Variants in CNTNAP5 observed in about 807,000 individuals in gnomAD.
CNTNAP5 encodes contactin associated protein family member 5, also known as contactin-associated protein-like 5.
In CNTNAP5, 72 loss-of-function variants were observed where a neutral mutation model predicts 150.2. The observed-to-expected ratio is 0.48, with a 90% CI of 0.40 to 0.58. The LOEUF (loss-of-function observed/expected upper bound fraction) is 0.58. CNTNAP5 is among the 20% of genes least tolerant of loss of function. The pLI is 0.00. For missense variants in CNTNAP5, 1,636 were observed against 1,626.2 expected (o/e 1.01, Z -0.10); for synonymous variants, 672 against 619.8 (o/e 1.08, Z -1.25).
intron 21 of CNTNAP5, among the ~76,000 whole-genome samples, chr2:124,874,998 T>C (rs564939866): frequency 8.5e-5 from 13 of 152,204 alleles, no homozygotes; most frequent in African/African-American, 2.9e-4. Context: ...CTTCTCAAGA[T>C]GCATAAAATT....
intron 3 of CNTNAP5, among the ~76,000 whole-genome samples, chr2:124,306,709 C>T (rs545451097): frequency 2.7e-4 from 39 of 146,082 alleles, no homozygotes; most frequent in African/African-American, 9.2e-4. Flanking sequence ...TGGTTTCTCT[C>T]TCTCTCTTTC....
intron 1 of CNTNAP5, among the ~76,000 whole-genome samples, chr2:124,209,607 C>T (rs907647518): frequency 6.6e-6 from 1 of 152,120 alleles, no homozygotes; most frequent in Non-Finnish European, 1.5e-5. Context: ...TAAGACTGTC[C>T]TCCCCTTATC....
chr2:124,095,038 A>T (rs1397790953), intron 1 of CNTNAP5, among the ~76,000 whole-genome samples: 1 of 152,188 alleles, frequency 6.6e-6, no homozygotes, highest in Non-Finnish European at 1.5e-5. Flanking sequence ...GGTAAGACAC[A>T]TGCACACTTA....
intron 3 of CNTNAP5, among the ~76,000 whole-genome samples, chr2:124,323,859 T>G (rs1157345193): frequency 6.6e-6 from 1 of 151,966 alleles, no homozygotes; most frequent in Non-Finnish European, 1.5e-5. Flanking sequence ...GGCCTTTGTG[T>G]GTGTGTATGT....
At chr2:124,298,629 A>C (rs138046688) in intron 3 of CNTNAP5, among the ~76,000 whole-genome samples, 1 of 152,122 alleles carries the variant, frequency 6.6e-6, no homozygotes, top group Non-Finnish European at 1.5e-5. Flanking sequence ...CTGCTAAATC[A>C]TGAAGGTTTG....
At chr2:124,530,288 C>T (rs138293474) in intron 10 of CNTNAP5, among the ~76,000 whole-genome samples, 2,487 of 152,168 alleles carry the variant, frequency 0.016, 49 homozygotes, top group African/African-American at 0.054. Context: ...CCAGCCTGGG[C>T]GACAGAGCAA....
At chr2:124,461,741 C>G (rs1007719801) in intron 6 of CNTNAP5, among the ~76,000 whole-genome samples, 11 of 151,100 alleles carry the variant, frequency 7.3e-5, no homozygotes, top group Non-Finnish European at 1.2e-4. Context: ...CCTGTAATCC[C>G]AACTACTCGG....
chr2:124,376,328 G>GAGCA (rs1479087544), intron 3 of CNTNAP5, among the ~76,000 whole-genome samples: 1 of 152,042 alleles, frequency 6.6e-6, no homozygotes, highest in Non-Finnish European at 1.5e-5. Context: ...GCAGAAGCAG[G>GAGCA]AGCAAGCATA....
intron 11 of CNTNAP5, among the ~76,000 whole-genome samples, chr2:124,566,409 A>T (rs186753881): frequency 1.5e-3 from 236 of 152,290 alleles, no homozygotes; most frequent in African/African-American, 5.4e-3. Context: ...TCAGGCTAAA[A>T]ATAGAAGATG....
intron 10 of CNTNAP5, among the ~76,000 whole-genome samples, chr2:124,537,037 T>TGTGTGAGAGAGAGA (rs763560577): frequency 1.3e-5 from 2 of 150,544 alleles, no homozygotes; most frequent in African/African-American, 2.4e-5. Flanking sequence ...TGTGTGTGTG[T>TGTGTGAGAGAGAGA]GAGAGAGAGA....
intron 14 of CNTNAP5, among the ~76,000 whole-genome samples, chr2:124,755,705 C>T (rs1408459927): frequency 6.6e-6 from 1 of 152,130 alleles, no homozygotes; most frequent in Non-Finnish European, 1.5e-5. Context: ...CATCATGTAG[C>T]AGAAGGAGAA....
intron 13 of CNTNAP5, among the ~76,000 whole-genome samples, chr2:124,734,920 A>C (rs1002641333): frequency 1.3e-5 from 2 of 152,202 alleles, no homozygotes; most frequent in Non-Finnish European, 2.9e-5. Context: ...TCTAAAATTT[A>C]GGTGTGTAAA....
chr2:124,373,932 T>C (rs970129368), intron 3 of CNTNAP5, among the ~76,000 whole-genome samples: 1 of 152,082 alleles, frequency 6.6e-6, no homozygotes, highest in African/African-American at 2.4e-5. Flanking sequence ...ATTCATTTTA[T>C]GATATGTTAA....
intron 13 of CNTNAP5, among the ~76,000 whole-genome samples, chr2:124,675,904 G>A (rs927833580): frequency 1.3e-5 from 2 of 151,650 alleles, no homozygotes; most frequent in African/African-American, 4.8e-5. Context: ...CTGTGTATGG[G>A]CCATAATTTC....
intron 3 of CNTNAP5, among the ~76,000 whole-genome samples, chr2:124,273,737 G>A (rs951260814): frequency 6.6e-6 from 1 of 152,094 alleles, no homozygotes; most frequent in South Asian, 2.1e-4. Context: ...AGTCAAGTGG[G>A]GGCACAACTT....
chr2:124,433,297 T>C (rs1692437719), intron 4 of CNTNAP5, among the ~76,000 whole-genome samples: 2 of 152,208 alleles, frequency 1.3e-5, no homozygotes, highest in South Asian at 4.1e-4. Context: ...AGTTTATTTT[T>C]AAAGTCAAGG....
At chr2:124,160,185 A>T (rs965352457) in intron 1 of CNTNAP5, among the ~76,000 whole-genome samples, 1 of 152,176 alleles carries the variant, frequency 6.6e-6, no homozygotes, top group African/African-American at 2.4e-5. Context: ...GAGAACCAGG[A>T]ACAATGATAG....
At chr2:124,848,376 T>A (rs1683092607) in intron 19 of CNTNAP5, among the ~76,000 whole-genome samples, 1 of 152,200 alleles carries the variant, frequency 6.6e-6, no homozygotes, top group Non-Finnish European at 1.5e-5. Context: ...TGTGGCTAAA[T>A]AATGTACCAC....
chr2:124,692,405 C>A (rs1396712629), intron 13 of CNTNAP5, among the ~76,000 whole-genome samples: 1 of 152,064 alleles, frequency 6.6e-6, no homozygotes, highest in Non-Finnish European at 1.5e-5. Flanking sequence ...ATATGGCTTG[C>A]AAAGCTTAAA....
Sources: allele counts gnomAD v4.1 joint callset (sites outside exome capture counted in the v4.1 genomes callset), GRCh38; gene constraint gnomAD v4.1.1; transcripts MANE v1.5; gene names NCBI Gene and HGNC (gene_info 2026-07-23, HGNC 2026-07-21).